The following CERT1 variants were observed in gnomAD, a reference collection of about 807,000 sequenced individuals.
CERT1 encodes ceramide transporter 1.
Under a neutral mutation model 87.9 loss-of-function variants are expected in CERT1, and 31 were observed. The ratio of observed to expected loss-of-function variants is 0.35; its 90% confidence interval spans 0.27 to 0.48. The LOEUF is 0.48. Ranked by LOEUF, CERT1 falls within the 20% of genes least tolerant of loss-of-function variation. CERT1 has a pLI of 0.99. For synonymous variants in CERT1, 289 were observed against 250.9 expected, an observed-to-expected ratio of 1.15 and a Z score of -1.44; for missense variants, 487 against 758.0, an observed-to-expected ratio of 0.64 and a Z score of 4.20.
intron 11 of CERT1, among the ~76,000 whole-genome samples, chr5:75,398,125 A>C (rs970227245): frequency 1.3e-5 from 2 of 152,246 alleles, no homozygotes; most frequent in South Asian, 2.1e-4. Flanking sequence ...AGAATTGCTA[A>C]ATCTTTTTCT....
chr5:75,454,302 G>C (rs1371438650), intron 3 of CERT1, among the ~76,000 whole-genome samples: 1 of 152,108 alleles, frequency 6.6e-6, no homozygotes, highest in Non-Finnish European at 1.5e-5. Flanking sequence ...TTTTTGCATT[G>C]TTGAAATTTG....
At chr5:75,506,149 A>T (rs149853305) in intron 1 of CERT1, 33 bp from the exon 2 acceptor site, 2 of 1,594,936 alleles carry the variant, frequency 1.3e-6, no homozygotes, top group African/African-American at 2.7e-5. Flanking sequence ...AAGAGAGAAG[A>T]AAACAAAAAA....
At chr5:75,511,721 A>T (rs1269027411), upstream of CERT1, 102 of 1,546,402 alleles carry the variant, frequency 6.6e-5, no homozygotes, top group Non-Finnish European at 8.3e-5. Flanking sequence ...GTCTGACGCG[A>T]CACGCCGAGC....
At chr5:75,432,107 A>G (rs1763894954) in intron 3 of CERT1, among the ~76,000 whole-genome samples, 1 of 146,616 alleles carries the variant, frequency 6.8e-6, no homozygotes, top group Non-Finnish European at 1.5e-5. Context: ...GCTGCAATGC[A>G]GTGGCGCGAT....
chr5:75,480,581 A>G (rs1766190788), intron 2 of CERT1, among the ~76,000 whole-genome samples: 1 of 152,180 alleles, frequency 6.6e-6, no homozygotes, highest in Non-Finnish European at 1.5e-5. Context: ...CATAACTCCA[A>G]CTGGGCCCTC....
intron 2 of CERT1, among the ~76,000 whole-genome samples, chr5:75,488,149 C>T (rs1329522113): frequency 1.3e-5 from 2 of 151,780 alleles, no homozygotes; most frequent in African/African-American, 2.4e-5. Flanking sequence ...TAGCATAACA[C>T]AGTGACTAGA....
At chr5:75,380,527 G>T (rs959838027) in intron 16 of CERT1, among the ~76,000 whole-genome samples, 2 of 151,968 alleles carry the variant, frequency 1.3e-5, no homozygotes, top group Non-Finnish European at 2.9e-5. Context: ...AGTGGCTCAC[G>T]CCTGTAATCC....
Position 75,433,816 on chromosome 5 carries a change from T to C in CERT1, c.349-7338A>G, listed in dbSNP as rs1039943746. 1.1e-4 allele frequency among the ~76,000 whole-genome samples: 16 copies of C among 152,322 alleles called. 1 individual carries two copies. Among genetic ancestry groups the C allele is most frequent in the Admixed American group, 9.8e-4 (15 of 15,302 alleles). The stretch of plus-strand genomic sequence containing the variant: ...GGATTACAGGCATGAGCCATGGTGC[T>C]TGGCTTGTGGTACTGATTTTTGTAC... On this transcript the variant is annotated intron_variant, in intron 3 of 16. Coordinates refer to ENST00000643780, the MANE Select transcript of CERT1 (RefSeq NM_001379029.1).
chr5:75,497,591 T>C (rs750009479), intron 2 of CERT1, among the ~76,000 whole-genome samples: 57 of 152,070 alleles, frequency 3.7e-4, no homozygotes, highest in Non-Finnish European at 6.6e-4. Flanking sequence ...ATGGGGGCGA[T>C]GGTTTTATAA....
At chr5:75,409,435 T>G (rs994071231) in intron 8 of CERT1, among the ~76,000 whole-genome samples, 5 of 152,226 alleles carry the variant, frequency 3.3e-5, no homozygotes, top group African/African-American at 1.2e-4. Context: ...ATTCTTCTGT[T>G]TTCATAAATA....
intron 3 of CERT1, among the ~76,000 whole-genome samples, chr5:75,436,190 G>A (rs1290926149): frequency 2.0e-5 from 3 of 151,942 alleles, no homozygotes; most frequent in Non-Finnish European, 4.4e-5. Flanking sequence ...CCGCTACCAT[G>A]CCTGGCTAAT....
At chr5:75,503,868 A>T (rs1767509182) in intron 2 of CERT1, among the ~76,000 whole-genome samples, 1 of 151,870 alleles carries the variant, frequency 6.6e-6, no homozygotes, top group African/African-American at 2.4e-5. Context: ...AAACATTTAA[A>T]TTTTTTGTTT....
At chr5:75,381,770 T>A (rs758464595) in intron 15 of CERT1, among the ~76,000 whole-genome samples, 179 bp downstream of exon 15, 3 of 152,194 alleles carry the variant, frequency 2.0e-5, no homozygotes, top group Non-Finnish European at 4.4e-5. Flanking sequence ...TTCATAGGCA[T>A]GACTGTTGCC....
chr5:75,509,612 C>CG (rs557417063), intron 1 of CERT1, among the ~76,000 whole-genome samples: 1 of 151,980 alleles, frequency 6.6e-6, no homozygotes, highest in African/African-American at 2.4e-5. Context: ...CTTTTTCCCC[C>CG]GGTCACTCCA....
At chr5:75,423,279 T>A (rs1246544574) in intron 5 of CERT1, among the ~76,000 whole-genome samples, 1 of 152,196 alleles carries the variant, frequency 6.6e-6, no homozygotes, top group Non-Finnish European at 1.5e-5. Context: ...TCTATATGTA[T>A]CCTGTTTTTG....
intron 2 of CERT1, among the ~76,000 whole-genome samples, chr5:75,462,184 T>C (rs954235354): frequency 6.6e-6 from 1 of 152,174 alleles, no homozygotes; most frequent in Admixed American, 6.5e-5. Context: ...AAATGTAGGA[T>C]AGAGGCCAAA....
At chr5:75,380,370 T>C (rs545002698) in intron 16 of CERT1, among the ~76,000 whole-genome samples, 4 of 152,174 alleles carry the variant, frequency 2.6e-5, no homozygotes, top group Non-Finnish European at 4.4e-5. Flanking sequence ...TAGGGGAACA[T>C]TGATTCAGAA....
At position 75,457,926 on chromosome 5, in the gene CERT1, G is replaced by GGTGT. The variant is rs1234118888; in HGVS notation, c.348+1135_348+1138dup. On this transcript the variant is annotated intron_variant, in intron 3 of 16. Coordinates refer to ENST00000643780, the MANE Select transcript of CERT1 (RefSeq NM_001379029.1). ...TAGGCGCGCGTGTGTGTGTGTGTGT[G>GGTGT]GTGTGTGTGTGTGTGTTTTGTGCCT... Among the ~76,000 whole-genome samples the GGTGT allele has an allele frequency of 2.7e-5, 4 of 146,126 alleles. No homozygotes were observed. The Admixed American group carries it at 2.8e-4, about 10-fold the overall frequency.
intron 16 of CERT1, 111 bp from the exon 17 acceptor site, chr5:75,379,584 G>GCAT: frequency 9.0e-6 from 9 of 1,004,982 alleles, no homozygotes; most frequent in Non-Finnish European, 1.2e-5. Context: ...GGACCAATTA[G>GCAT]CATCTTTTTT....
Sources: allele counts gnomAD v4.1 joint callset (sites outside exome capture counted in the v4.1 genomes callset), GRCh38; gene constraint gnomAD v4.1.1; transcripts MANE v1.5; gene names NCBI Gene and HGNC (gene_info 2026-07-23, HGNC 2026-07-21).